The following ZMAT3 variants were observed in gnomAD, a reference collection of about 807,000 sequenced individuals.
ZMAT3 encodes the protein zinc finger matrin-type protein 3.
A neutral mutation model predicts 32.3 loss-of-function variants in ZMAT3; 17 were observed. That is an observed-to-expected ratio of 0.53 (90% confidence interval 0.36 to 0.79). ZMAT3 has a LOEUF of 0.79. Among genes scored for constraint, ZMAT3 ranks in the 30% least tolerant of loss-of-function variants. ZMAT3 has a pLI of 0.00. For synonymous variants in ZMAT3, 120 were observed against 133.1 expected (o/e 0.90, Z 0.68); for missense variants, 329 against 359.7 (o/e 0.91, Z 0.69).
At chr3:179,067,417 T>C (rs150924421) in intron 2 of ZMAT3, 66 bp downstream of exon 2, 3 of 1,549,590 alleles carry the variant, frequency 1.9e-6, no homozygotes, top group East Asian at 2.3e-5. Flanking sequence ...GAGAGACAAC[T>C]GCTAAATAGC....
intron 2 of ZMAT3, among the ~76,000 whole-genome samples, chr3:179,051,100 CA>C (rs1487380655): frequency 6.6e-6 from 1 of 152,122 alleles, no homozygotes; most frequent in Non-Finnish European, 1.5e-5. Context: ...CCACTTTCAC[CA>C]CTTCTATTCA....
Position 179,027,797 on chromosome 3 carries a change from G to A in ZMAT3, c.406C>T (p.Pro136Ser), listed in dbSNP as rs2108536751. 1 of 1,608,666 alleles carries A rather than the reference G, an allele frequency of 6.2e-7. No individual in the cohort carries two copies. The change falls in exon 4 of 6, where the codon CCA becomes TCA. Residue 136 changes from proline (P) to serine (S), a missense_variant. Coordinates refer to ENST00000311417, the MANE Select transcript of ZMAT3 (RefSeq NM_022470.4). ...PVPPQMGSFK[P>S]GGRVILATEN... ...GTGGCCAGGATCACTCGGCCTCCTG[G>A]CTTAAAGGAGCCCATCTGACATCAA...
Position 179,031,080 on chromosome 3 carries a change from G to T in ZMAT3, c.271-81C>A, listed in dbSNP as rs572873244. 20 of 1,274,964 alleles carry T rather than the reference G, an allele frequency of 1.6e-5. No homozygotes were observed. In the South Asian group the frequency reaches 3.4e-4, roughly 21 times the overall value. 79.0% of individuals were successfully genotyped at this position (1,274,964 alleles called of 1,614,324 possible). The stretch of plus-strand genomic sequence containing the variant: ...ATTTCAGTTAGCTATGGTCAACTGT[G>T]GTCCAAAAATATTAAGATATTTTGA... On this transcript the variant is annotated intron_variant, in intron 2 of 5. Transcript: ENST00000311417.
chr3:179,060,515 G>T (rs1298024971), intron 2 of ZMAT3, among the ~76,000 whole-genome samples: 10 of 152,058 alleles, frequency 6.6e-5, no homozygotes, highest in Non-Finnish European at 1.5e-5. Context: ...GTGGTGGCAG[G>T]CACCTGTAAT....
At chr3:179,028,571 G>A (rs368653721) in intron 3 of ZMAT3, among the ~76,000 whole-genome samples, 3 of 152,218 alleles carry the variant, frequency 2.0e-5, no homozygotes, top group African/African-American at 7.2e-5. Context: ...TCTGAAGAAA[G>A]GCTTAGGCTG....
At chr3:179,061,356 A>G (rs1367233294) in intron 2 of ZMAT3, among the ~76,000 whole-genome samples, 1 of 152,112 alleles carries the variant, frequency 6.6e-6, no homozygotes, top group Non-Finnish European at 1.5e-5. Context: ...ATAATGCAAG[A>G]AAAAGAGGGG....
In ZMAT3 at chr3:179,019,544, C is replaced by T. The variant is rs767837396; in HGVS notation, c.*5473G>A. 2.2e-4 allele frequency: 34 copies of T among 152,182 alleles called. No homozygotes were observed. Among genetic ancestry groups the T allele is most frequent in the Non-Finnish European group, 4.1e-4 (28 of 67,986 alleles). The allele number at this position is 152,182 out of a possible 1,614,324, so 9.4% of individuals were successfully genotyped here. ...ATGGCAGAATCTAGCAGTGGTTATA[C>T]TGCAAAGTTTTTTCAACTTTGATAT... is the stretch of plus-strand genomic sequence containing the variant. On this transcript the variant is annotated 3_prime_UTR_variant, in exon 6 of 6. Transcript: ENST00000311417.
At chr3:179,040,413 G>A (rs1458725784) in intron 2 of ZMAT3, among the ~76,000 whole-genome samples, 1 of 152,196 alleles carries the variant, frequency 6.6e-6, no homozygotes, top group East Asian at 1.9e-4. Context: ...CCAGAAAAGA[G>A]TGGGGGCCGA....
rs1718365713 is a variant in ZMAT3, at chr3:179,018,104, T to C, written c.*6913A>G. 6.6e-6 allele frequency: 1 copy of C among 152,126 alleles called. No homozygotes were observed. The highest frequency in any genetic ancestry group is 1.5e-5 in the Non-Finnish European group (1 of 68,004). 9.4% of individuals were successfully genotyped at this position (152,126 alleles called of 1,614,324 possible). A position where few individuals can be genotyped will look rare whatever the true frequency, so the allele number is the denominator to read the frequency against. ...AGTTTTGTTCCTATACATGCCATAT[T>C]TGCAGAGTAGAAACAAACTGCCCTA... On this transcript the variant is annotated 3_prime_UTR_variant, in exon 6 of 6. Transcript: ENST00000311417.
intron 2 of ZMAT3, among the ~76,000 whole-genome samples, chr3:179,037,782 T>C (rs1164728970): frequency 6.6e-6 from 1 of 152,160 alleles, no homozygotes; most frequent in East Asian, 1.9e-4. Flanking sequence ...AGAATTTGAA[T>C]CTACAACTCT....
intron 2 of ZMAT3, among the ~76,000 whole-genome samples, chr3:179,064,734 T>C (rs1248266527): frequency 6.6e-6 from 1 of 152,212 alleles, no homozygotes; most frequent in Non-Finnish European, 1.5e-5. Context: ...CCTGGCCTGG[T>C]CTTAGCCTTG....
At chr3:179,028,897 T>C (rs1243836748) in intron 3 of ZMAT3, among the ~76,000 whole-genome samples, 4 of 152,150 alleles carry the variant, frequency 2.6e-5, no homozygotes, top group Admixed American at 6.5e-5. Context: ...CGGTGGCTCA[T>C]GCCTGTAGTC....
intron 5 of ZMAT3, among the ~76,000 whole-genome samples, chr3:179,026,283 T>C (rs184055297): frequency 6.6e-6 from 1 of 152,162 alleles, no homozygotes; most frequent in African/African-American, 2.4e-5. Flanking sequence ...GATGGATTTC[T>C]TTCATCCAAT....
chr3:179,052,703 T>C lies in ZMAT3; in HGVS notation c.270+14780A>G, dbSNP rs534331292. Among the ~76,000 whole-genome samples, 12 of 152,322 alleles carry C rather than the reference T, an allele frequency of 7.9e-5. No individual in the cohort carries two copies. In the East Asian group the frequency reaches 2.3e-3, roughly 29 times the overall value. ...CACGAAAAAGATACTTGTGCACACA[T>C]TTATACCAGCACAATTTGCAACTGA... On this transcript the variant is annotated intron_variant, in intron 2 of 5. Coordinates refer to ENST00000311417, the MANE Select transcript of ZMAT3 (RefSeq NM_022470.4).
intron 5 of ZMAT3, among the ~76,000 whole-genome samples, chr3:179,026,671 C>T (rs1305687977): frequency 6.6e-6 from 1 of 152,198 alleles, no homozygotes; most frequent in Non-Finnish European, 1.5e-5. Flanking sequence ...CACGCACGAG[C>T]CACAGGAGCC....
In ZMAT3 at chr3:179,024,999, AT is replaced by A; in HGVS notation, c.*17del. The stretch of plus-strand genomic sequence containing the variant: ...AACAACAGGCAGGAAAAGCTGCTCT[AT>A]CTTAATATGATAATCACTATACATA... On this transcript the variant is annotated 3_prime_UTR_variant, in exon 6 of 6. Transcript: ENST00000311417. 1 of 1,613,296 alleles carries A rather than the reference AT, an allele frequency of 6.2e-7. No individual in the cohort carries two copies. The highest frequency in any genetic ancestry group is 1.7e-4 in the Middle Eastern group (1 of 6,060).
chr3:179,036,779 C>G (rs1281947121), intron 2 of ZMAT3, among the ~76,000 whole-genome samples: 1 of 152,098 alleles, frequency 6.6e-6, no homozygotes, highest in Non-Finnish European at 1.5e-5. Flanking sequence ...CCTAGGCAGA[C>G]AGGGATGGGT....
rs1167978253 is a variant in ZMAT3, at chr3:179,062,592, T to G, written c.270+4891A>C. Among the ~76,000 whole-genome samples, 3 of 152,262 alleles carry G rather than the reference T, an allele frequency of 2.0e-5. No individual in the cohort carries two copies. The East Asian group carries it at 5.8e-4, about 29-fold the overall frequency. ...CCTCTAAAGTGATCAAAGCAAGAGC[T>G]AGAAAAGCCTACAGAGCTGGCGATT... On this transcript the variant is annotated intron_variant, in intron 2 of 5. Coordinates refer to ENST00000311417, the MANE Select transcript of ZMAT3 (RefSeq NM_022470.4).
At position 179,020,572 on chromosome 3, in the gene ZMAT3, T is replaced by A. The variant is rs138732904; in HGVS notation, c.*4445A>T. 1 of 152,356 alleles carries A rather than the reference T, an allele frequency of 6.6e-6. No individual in the cohort carries two copies. The highest frequency in any genetic ancestry group is 2.4e-5 in the African/African-American group (1 of 41,596). 9.4% of individuals were successfully genotyped at this position (152,356 alleles called of 1,614,324 possible). On this transcript the variant is annotated 3_prime_UTR_variant, in exon 6 of 6. Coordinates refer to ENST00000311417, the MANE Select transcript of ZMAT3 (RefSeq NM_022470.4). ...TTCAAAAGCCTGCATTAAACTTTTA[T>A]CTGTCCTGACAAAACATGTCTCAAT...
Sources: gnomAD v4.1 joint callset for allele counts (sites outside exome capture counted in the v4.1 genomes callset) on GRCh38, gnomAD v4.1.1 for gene constraint, MANE v1.5 for transcripts, NCBI Gene and HGNC (gene_info 2026-07-23, HGNC 2026-07-21) for gene names.